The following NT5DC3 variants were observed in gnomAD, a reference collection of about 807,000 sequenced individuals.
NT5DC3 encodes the protein 5'-nucleotidase domain containing 3.
NT5DC3 carries 42 observed loss-of-function variants against 67.8 expected under a neutral mutation model. That is an observed-to-expected ratio of 0.62 (90% CI 0.48 to 0.80). The LOEUF is 0.80. NT5DC3 is among the 30% of genes least tolerant of loss of function. NT5DC3 has a pLI of 0.00. For synonymous variants in NT5DC3, 237 were observed against 255.6 expected, an observed-to-expected ratio of 0.93 and a Z score of 0.69; for missense variants, 570 against 696.4, an observed-to-expected ratio of 0.82 and a Z score of 2.04.
the NT5DC3 span, among the ~76,000 whole-genome samples, chr12:103,756,471 G>GT: frequency 0.29 from 44,596 of 152,062 alleles, 7,314 homozygotes; most frequent in East Asian, 0.39. Flanking sequence ...CACATGACAG[G>GT]TGCTCCATAA....
rs143514234 is a variant in NT5DC3 at position 103,815,292 on chromosome 12, A to T, written c.209-171T>A. On this transcript the variant is annotated intron_variant, in intron 1 of 13. Coordinates refer to ENST00000392876, the MANE Select transcript of NT5DC3 (RefSeq NM_001031701.3). ...GACCACACGTTGCATGATCCTATTCATATGAAATGTCCAGAAATGACAAAT... is the reference window on the plus strand; with the variant it reads ...GACCACACGTTGCATGATCCTATTCTTATGAAATGTCCAGAAATGACAAAT... Among the ~76,000 whole-genome samples, 736 of 152,364 alleles carry T rather than the reference A, an allele frequency of 4.8e-3. 9 individuals are homozygous for T. Among genetic ancestry groups the T allele is most frequent in the Middle Eastern group, 0.01 (3 of 294 alleles).
chr12:103,765,404 T>C, the NT5DC3 span, among the ~76,000 whole-genome samples: 7 of 152,224 alleles, frequency 4.6e-5, no homozygotes, highest in Admixed American at 4.6e-4. Context: ...AGTGACGTGC[T>C]ACATTCTCAC....
intron 9 of NT5DC3, among the ~76,000 whole-genome samples, chr12:103,791,957 G>A (rs146445914): frequency 1.5e-4 from 23 of 152,262 alleles, no homozygotes; most frequent in African/African-American, 5.5e-4. Context: ...CCGGCCCCTG[G>A]TGCCAAAAAG....
chr12:103,797,155 A>G, intron 5 of NT5DC3, 124 bp from the exon 6 acceptor site: 1 of 1,019,974 alleles, frequency 9.8e-7, no homozygotes, highest in Non-Finnish European at 1.5e-6. Context: ...TCAACACAAA[A>G]AAGGAAAGTT....
Position 103,787,446 on chromosome 12 carries a change from G to A in NT5DC3, c.1183C>T (p.Leu395=). Reference sequence around the variant, plus strand: ...AGGAAAAAAGGGCCCCTCACCGCCAGGTCACTGTATATATGGTCACCAAAA... The same window carrying A: ...AGGAAAAAAGGGCCCCTCACCGCCAAGTCACTGTATATATGGTCACCAAAA... ...LYFGDHIYSD[L]ADLTLKHGWR... is the part of the protein sequence containing the mutation. The change falls in exon 11 of 14, where the codon CTG becomes TTG. Residue 395 remains leucine (L), a synonymous_variant. Transcript: ENST00000392876. The A allele has an allele frequency of 6.4e-7, 1 of 1,563,000 alleles. No homozygotes were observed. The highest frequency in any genetic ancestry group is 8.7e-7 in the Non-Finnish European group (1 of 1,152,526).
intron 1 of NT5DC3, 40 bp downstream of exon 1, chr12:103,840,909 G>A: frequency 8.0e-7 from 1 of 1,247,056 alleles, no homozygotes; most frequent in Non-Finnish European, 1.0e-6. Context: ...GCGCGCAGGA[G>A]GGGCCCCAGG....
intron 13 of NT5DC3, among the ~76,000 whole-genome samples, chr12:103,778,713 G>A (rs539136893): frequency 1.3e-4 from 20 of 151,676 alleles, no homozygotes; most frequent in East Asian, 5.8e-4. Flanking sequence ...GGCTGAAGTC[G>A]GAGAATCACT....
intron 1 of NT5DC3, among the ~76,000 whole-genome samples, chr12:103,822,703 C>T (rs1887541654): frequency 6.6e-6 from 1 of 152,188 alleles, no homozygotes; most frequent in South Asian, 2.1e-4. Flanking sequence ...ACCTGGGCAG[C>T]TTCACTCCTT....
intron 12 of NT5DC3, among the ~76,000 whole-genome samples, chr12:103,784,395 G>A (rs935441099): frequency 1.3e-5 from 2 of 152,206 alleles, no homozygotes; most frequent in Non-Finnish European, 2.9e-5. Context: ...GCATGCACCT[G>A]GAGCCAGAAT....
At chr12:103,795,438 G>A (rs979208151) in intron 6 of NT5DC3, among the ~76,000 whole-genome samples, 2 of 151,938 alleles carry the variant, frequency 1.3e-5, no homozygotes, top group Non-Finnish European at 2.9e-5. Flanking sequence ...GAATGCACAA[G>A]GCTGCTACAA....
chr12:103,831,742 C>A (rs1887935549), intron 1 of NT5DC3, among the ~76,000 whole-genome samples: 1 of 150,020 alleles, frequency 6.7e-6, no homozygotes, highest in Non-Finnish European at 1.5e-5. Flanking sequence ...ACCTTCAAGG[C>A]TGGTCATCAT....
downstream of NT5DC3, among the ~76,000 whole-genome samples, chr12:103,768,272 T>G (rs887494246): frequency 1.3e-5 from 2 of 149,422 alleles, no homozygotes; most frequent in African/African-American, 4.9e-5. Context: ...CTGTCTCTAC[T>G]AAAACTACAA....
Position 103,788,920 on chromosome 12 carries a change from C to T in NT5DC3, c.1020-1G>A. The T allele has an allele frequency of 6.2e-7, 1 of 1,603,580 alleles. No individual in the cohort carries two copies. Among genetic ancestry groups the T allele is most frequent in the Non-Finnish European group, 8.5e-7 (1 of 1,170,424 alleles). The stretch of plus-strand genomic sequence containing the variant: ...TTTCTCATTCATCTTTCGGAAAGGC[C>T]TAACAACAGAAATGGGAAACATTAT... On this transcript the variant is annotated splice_acceptor_variant, in intron 9 of 13. Transcript: ENST00000392876. LOFTEE classifies it high-confidence loss of function.
intron 5 of NT5DC3, among the ~76,000 whole-genome samples, 164 bp from the exon 6 acceptor site, chr12:103,797,195 C>A (rs1450349658): frequency 6.6e-6 from 1 of 152,142 alleles, no homozygotes; most frequent in African/African-American, 2.4e-5. Flanking sequence ...ATGGGCTGAG[C>A]GTGGTGGCTC....
chr12:103,810,310 A>AAC (rs58734851), intron 2 of NT5DC3, among the ~76,000 whole-genome samples: 35 of 151,770 alleles, frequency 2.3e-4, no homozygotes, highest in South Asian at 2.1e-4. Flanking sequence ...GCCCATTTCC[A>AAC]ACACACACAC....
intron 10 of NT5DC3, among the ~76,000 whole-genome samples, chr12:103,788,481 A>G (rs1885892951): frequency 6.6e-6 from 1 of 152,250 alleles, no homozygotes; most frequent in East Asian, 1.9e-4. Context: ...AATTGTGTAC[A>G]AAACATGTAT....
chr12:103,761,397 C>T, the NT5DC3 span: 1 of 1,613,592 alleles, frequency 6.2e-7, no homozygotes, highest in South Asian at 1.1e-5. Context: ...TTAAAAGCAC[C>T]CCCTGCCCCC....
At chr12:103,781,402 G>A (rs1008116329) in intron 12 of NT5DC3, among the ~76,000 whole-genome samples, 6 of 152,338 alleles carry the variant, frequency 3.9e-5, no homozygotes, top group African/African-American at 9.6e-5. Flanking sequence ...GGCCAGGGAC[G>A]CATGCCCAGA....
chr12:103,751,616 TA>T, the NT5DC3 span, among the ~76,000 whole-genome samples: 3 of 152,082 alleles, frequency 2.0e-5, no homozygotes, highest in Non-Finnish European at 4.4e-5. Context: ...AGCATGGGGA[TA>T]AAAATGCACA....
Sources: allele counts gnomAD v4.1 joint callset (sites outside exome capture counted in the v4.1 genomes callset), GRCh38; gene constraint gnomAD v4.1.1; transcripts MANE v1.5; gene names NCBI Gene and HGNC (gene_info 2026-07-23, HGNC 2026-07-21).